The following CNOT1 variants were observed in gnomAD, a reference collection of about 807,000 sequenced individuals.
CNOT1 encodes the protein CCR4-associated factor 1.
A neutral mutation model predicts 273.8 loss-of-function variants in CNOT1; 15 were observed. That is an observed-to-expected ratio of 0.05 (90% CI 0.04 to 0.08). CNOT1 has a LOEUF of 0.08. Among genes scored for constraint, CNOT1 ranks in the 10% least tolerant of loss-of-function variants. The pLI is 1.00. For missense variants in CNOT1, 1,644 were observed against 2,912.2 expected (o/e 0.56, Z 10.02); for synonymous variants, 1,022 against 1,005.5 (o/e 1.02, Z -0.31).
chr16:58,585,303 G>C (rs746529228), intron 8 of CNOT1, 35 bp downstream of exon 8: 1 of 1,610,236 alleles, frequency 6.2e-7, no homozygotes, highest in Non-Finnish European at 8.5e-7. Flanking sequence ...TTTGGCACAA[G>C]AATAATCAGA....
chr16:58,558,142 T>C (rs2040702438), intron 18 of CNOT1, among the ~76,000 whole-genome samples: 1 of 152,332 alleles, frequency 6.6e-6, no homozygotes, highest in East Asian at 1.9e-4. Context: ...TATACCAACC[T>C]GAATTCATAA....
chr16:58,527,019 G>A (rs2039611711), intron 44 of CNOT1, among the ~76,000 whole-genome samples: 1 of 151,866 alleles, frequency 6.6e-6, no homozygotes, highest in Non-Finnish European at 1.5e-5. Flanking sequence ...TTCAGCCTGG[G>A]CAAAACAACG....
At chr16:58,550,683 T>C (rs2040419672) in intron 24 of CNOT1, among the ~76,000 whole-genome samples, 1 of 152,172 alleles carries the variant, frequency 6.6e-6, no homozygotes, top group Non-Finnish European at 1.5e-5. Context: ...AGTAAAAAGT[T>C]ATAACAGGAT....
chr16:58,596,658 C>A lies in CNOT1; in HGVS notation c.102+2578G>T, dbSNP rs530451917. On this transcript the variant is annotated intron_variant, in intron 2 of 48. Transcript: ENST00000317147. ...ATCCCAGCACTTTGGGAGGCCAAGG[C>A]GGGCGGATCACAAGGTCAGGAGATT... Among the ~76,000 whole-genome samples, 90 of 151,798 alleles carry A rather than the reference C, an allele frequency of 5.9e-4. 1 individual carries two copies. Among genetic ancestry groups the A allele is most frequent in the Non-Finnish European group, 1.1e-3 (74 of 67,874 alleles).
intron 16 of CNOT1, among the ~76,000 whole-genome samples, chr16:58,574,370 G>T (rs770587749): frequency 6.6e-6 from 1 of 151,142 alleles, no homozygotes; most frequent in Non-Finnish European, 1.5e-5. Context: ...AACAAATGCT[G>T]CTGGAACAAC....
intron 46 of CNOT1, 158 bp from the exon 47 acceptor site, chr16:58,523,660 T>G: frequency 1.8e-6 from 1 of 544,420 alleles, no homozygotes; most frequent in Non-Finnish European, 3.2e-6. Context: ...CTCATTTCTG[T>G]GCGTTTTATT....
rs999389898 is a variant in CNOT1, at chr16:58,523,791, T to C, written c.6785-289A>G. 1.2e-5 allele frequency: 3 copies of C among 254,692 alleles called. No individual in the cohort carries two copies. The Admixed American group carries it at 1.5e-4, about 12-fold the overall frequency. The allele number at this position is 254,692 out of a possible 1,614,324, so 15.8% of individuals were successfully genotyped here. The stretch of plus-strand genomic sequence containing the variant: ...GGTGACACTCATCACTAAGTCTTTC[T>C]ACATTTTGCAGATCTCTAAGTCTTG... On this transcript the variant is annotated intron_variant, in intron 46 of 48. Transcript: ENST00000317147.
At chr16:58,625,550 G>A (rs1042036247) in intron 1 of CNOT1, among the ~76,000 whole-genome samples, 2 of 151,798 alleles carry the variant, frequency 1.3e-5, no homozygotes, top group African/African-American at 4.8e-5. Flanking sequence ...CAGGCATGAT[G>A]GCGCGCACCT....
At chr16:58,552,086 C>G (rs1048385221) in intron 22 of CNOT1, among the ~76,000 whole-genome samples, 1 of 152,090 alleles carries the variant, frequency 6.6e-6, no homozygotes, top group Non-Finnish European at 1.5e-5. Context: ...CTTTAAACTT[C>G]TTTAAAAACG....
chr16:58,555,566 A>C, intron 20 of CNOT1, 29 bp from the exon 21 acceptor site: 1 of 1,595,764 alleles, frequency 6.3e-7, no homozygotes, highest in Non-Finnish European at 8.5e-7. Context: ...AACAACGCAC[A>C]CATAAAGGAA....
chr16:58,616,462 G>C (rs1225923164), intron 1 of CNOT1, among the ~76,000 whole-genome samples: 1 of 151,820 alleles, frequency 6.6e-6, no homozygotes, highest in Non-Finnish European at 1.5e-5. Flanking sequence ...TTGCTATATT[G>C]CCCAGGCTGG....
At chr16:58,625,448 G>A (rs1355661688) in intron 1 of CNOT1, among the ~76,000 whole-genome samples, 1 of 152,062 alleles carries the variant, frequency 6.6e-6, no homozygotes. Flanking sequence ...GGAGCCGGAG[G>A]TTGCACTGAG....
chr16:58,568,798 A>G (rs2041158050), intron 16 of CNOT1, among the ~76,000 whole-genome samples: 1 of 152,250 alleles, frequency 6.6e-6, no homozygotes, highest in South Asian at 2.1e-4. Context: ...AATCTCGTCA[A>G]TCTTAGCTGA....
chr16:58,545,260 G>C, intron 30 of CNOT1, 101 bp downstream of exon 30: 1 of 1,534,400 alleles, frequency 6.5e-7, no homozygotes, highest in East Asian at 2.3e-5. Context: ...CTACAACCTA[G>C]GAATCCAGAG....
At chr16:58,539,488 CACACAG>C (rs1388613145) in intron 35 of CNOT1, among the ~76,000 whole-genome samples, 8 of 151,266 alleles carry the variant, frequency 5.3e-5, no homozygotes, top group African/African-American at 1.7e-4. Context: ...CACACACACA[CACACAG>C]ACACACACAC....
In CNOT1 at chr16:58,625,205, T is replaced by TA. The variant is rs1276930197; in HGVS notation, c.-175+4522dup. On this transcript the variant is annotated intron_variant, in intron 1 of 48. Transcript: ENST00000317147. ...GTTCAAGACCAGATGGCCAACATGG[T>TA]AAAACCCCATCTCTACTAAAAATAC... Among the ~76,000 whole-genome samples the TA allele has an allele frequency of 4.0e-5, 6 of 151,400 alleles. No homozygotes were observed. In the East Asian group the frequency reaches 9.9e-4, roughly 25 times the overall value.
intron 39 of CNOT1, 108 bp downstream of exon 39, chr16:58,536,881 A>G: frequency 6.8e-7 from 1 of 1,477,206 alleles, no homozygotes; most frequent in Non-Finnish European, 9.0e-7. Context: ...TTGCATGAGT[A>G]TGGAGGTAAC....
At chr16:58,579,423 G>C (rs573001183) in intron 12 of CNOT1, among the ~76,000 whole-genome samples, 2 of 152,210 alleles carry the variant, frequency 1.3e-5, no homozygotes, top group African/African-American at 4.8e-5. Flanking sequence ...CCTATATTAA[G>C]GAACTGTTAT....
chr16:58,620,345 TAA>T (rs1213173376), intron 1 of CNOT1, among the ~76,000 whole-genome samples: 1 of 151,962 alleles, frequency 6.6e-6, no homozygotes, highest in Non-Finnish European at 1.5e-5. Context: ...ATTCCAGATG[TAA>T]AAAGACGAAG....
Sources: allele counts gnomAD v4.1 joint callset (sites outside exome capture counted in the v4.1 genomes callset), GRCh38; gene constraint gnomAD v4.1.1; transcripts MANE v1.5; gene names NCBI Gene and HGNC (gene_info 2026-07-23, HGNC 2026-07-21).